DOCK2: variants seen among roughly 807,000 people sequenced by gnomAD.
DOCK2 encodes the protein dedicator of cytokinesis 2.
A neutral mutation model predicts 248.9 loss-of-function variants in DOCK2; 87 were observed. That is an observed-to-expected ratio of 0.35 (90% confidence interval 0.29 to 0.42). The LOEUF (loss-of-function observed/expected upper bound fraction) is 0.42. Among genes scored for constraint, DOCK2 ranks in the 10% least tolerant of loss-of-function variants. The pLI, the probability that DOCK2 is intolerant of heterozygous loss-of-function variation, is 1.00. For missense variants in DOCK2, 1,747 were observed against 2,300.2 expected (o/e 0.76, Z 4.92); for synonymous variants, 805 against 821.6 (o/e 0.98, Z 0.35).
At chr5:169,774,418 GAGGT>G (rs1360953464) in intron 25 of DOCK2, among the ~76,000 whole-genome samples, 1 of 152,190 alleles carries the variant, frequency 6.6e-6, no homozygotes, top group East Asian at 1.9e-4. Context: ...AACTGATAAG[GAGGT>G]TTAAAAACTT....
At chr5:169,739,937 T>A (rs1441423596) in intron 22 of DOCK2, among the ~76,000 whole-genome samples, 1 of 152,248 alleles carries the variant, frequency 6.6e-6, no homozygotes, top group Non-Finnish European at 1.5e-5. Flanking sequence ...ATGCGTGTGC[T>A]TCTTTCTATC....
At chr5:169,750,758 G>A (rs1181831623) in intron 23 of DOCK2, among the ~76,000 whole-genome samples, 2 of 152,186 alleles carry the variant, frequency 1.3e-5, no homozygotes, top group Non-Finnish European at 2.9e-5. Flanking sequence ...AACCAATGAT[G>A]CTTTCCACCT....
In DOCK2 at chr5:169,656,647, C is replaced by G. The variant is rs560671305; in HGVS notation, c.127+2161C>G. 5.3e-5 allele frequency among the ~76,000 whole-genome samples: 8 copies of G among 152,376 alleles called. No individual in the cohort carries two copies. In the South Asian group the frequency reaches 1.0e-3, roughly 20 times the overall value. On this transcript the variant is annotated intron_variant, in intron 2 of 51. Transcript: ENST00000520908. ...CTTTTCTGATAGCCAAGCCCACACT[C>G]TTTCCTCCACCCATGCCTGCCAAAA...
Position 170,027,893 on chromosome 5 carries a change from C to G in DOCK2, c.3412C>G (p.His1138Asp). The change falls in exon 34 of 52, where the codon CAC (histidine) becomes GAC (aspartate). Residue 1138 changes from histidine to aspartate, a missense_variant. This residue lies in a region of DOCK2 where 858 missense variants were observed against 1,183.5 expected (regional missense o/e 0.72). Transcript: ENST00000520908. ...AAACGAAATCATCCTGAAGCTGGACCACGAGGTAGAAGGGGGCCGAGGCGA... is the reference window on the plus strand; with the variant it reads ...AAACGAAATCATCCTGAAGCTGGACGACGAGGTAGAAGGGGGCCGAGGCGA... ...FENEIILKLD[H>D]EVEGGRGDEQ... The G allele has an allele frequency of 6.2e-7, 1 of 1,613,018 alleles. No homozygotes were observed. The highest frequency in any genetic ancestry group is 8.5e-7 in the Non-Finnish European group (1 of 1,179,396).
At chr5:169,723,281 T>C (rs142266578) in intron 22 of DOCK2, among the ~76,000 whole-genome samples, 6 of 152,276 alleles carry the variant, frequency 3.9e-5, no homozygotes, top group African/African-American at 1.4e-4. Flanking sequence ...CAAAGCCAAG[T>C]CTGCTTGGGT....
At chr5:169,649,985 G>T (rs1475261470) in intron 1 of DOCK2, among the ~76,000 whole-genome samples, 1 of 152,016 alleles carries the variant, frequency 6.6e-6, no homozygotes. Context: ...TGTATTTTTA[G>T]TACAGTCGGG....
chr5:169,777,946 C>T (rs1186327208), intron 25 of DOCK2, among the ~76,000 whole-genome samples: 3 of 152,300 alleles, frequency 2.0e-5, no homozygotes, highest in South Asian at 4.1e-4. Context: ...TTCATCCCTC[C>T]GTCTTCATTT....
intron 26 of DOCK2, among the ~76,000 whole-genome samples, chr5:169,813,488 G>A (rs1337529330): frequency 6.6e-6 from 1 of 152,130 alleles, no homozygotes; most frequent in East Asian, 1.9e-4. Flanking sequence ...AAAAACAATG[G>A]ACAAACATCT....
chr5:169,999,810 G>A (rs1754771737), intron 30 of DOCK2, among the ~76,000 whole-genome samples: 1 of 152,164 alleles, frequency 6.6e-6, no homozygotes, highest in Non-Finnish European at 1.5e-5. Context: ...AATATCAGCA[G>A]GAACAGCATC....
In DOCK2 at chr5:169,888,418, C is replaced by T. The variant is rs551904627; in HGVS notation, c.2799+47566C>T. ...GATCTTTGCAACACTTTATTCTGTC[C>T]TCCCTTGATTATTGACTTTAGTGAA... On this transcript the variant is annotated intron_variant, in intron 27 of 51. Coordinates refer to ENST00000520908, the MANE Select transcript of DOCK2 (RefSeq NM_004946.3). 4.1e-4 allele frequency among the ~76,000 whole-genome samples: 62 copies of T among 152,304 alleles called. 1 individual carries two copies. In the South Asian group the frequency reaches 0.012, roughly 28 times the overall value.
At chr5:169,651,578 T>G (rs1757806328) in intron 1 of DOCK2, among the ~76,000 whole-genome samples, 2 of 152,152 alleles carry the variant, frequency 1.3e-5, no homozygotes, top group South Asian at 4.1e-4. Context: ...TTTTCTTCTG[T>G]TGGAAGCCTC....
At chr5:169,719,782 C>T (rs1050949330) in intron 22 of DOCK2, among the ~76,000 whole-genome samples, 1 of 152,142 alleles carries the variant, frequency 6.6e-6, no homozygotes, top group Non-Finnish European at 1.5e-5. Context: ...TGTTTTGGGT[C>T]TTGTATAGTT....
chr5:170,002,354 A>G (rs1449813038), intron 30 of DOCK2, among the ~76,000 whole-genome samples: 1 of 152,220 alleles, frequency 6.6e-6, no homozygotes, highest in African/African-American at 2.4e-5. Flanking sequence ...GCAGATCTGT[A>G]TATGCTAATA....
chr5:169,970,095 G>A (rs1023881010), intron 27 of DOCK2, among the ~76,000 whole-genome samples: 1 of 152,180 alleles, frequency 6.6e-6, no homozygotes, highest in African/African-American at 2.4e-5. Context: ...CTGCCCTGAG[G>A]CCCCTTAAAG....
intron 34 of DOCK2, among the ~76,000 whole-genome samples, chr5:170,033,999 T>C (rs1465908928): frequency 6.6e-6 from 1 of 152,194 alleles, no homozygotes; most frequent in Non-Finnish European, 1.5e-5. Flanking sequence ...TATTATATCT[T>C]TGCATACTTC....
At chr5:169,817,098 T>C (rs1768107496) in intron 26 of DOCK2, among the ~76,000 whole-genome samples, 1 of 152,218 alleles carries the variant, frequency 6.6e-6, no homozygotes, top group African/African-American at 2.4e-5. Flanking sequence ...TTGTGACCTC[T>C]GAGAGCCAGA....
intron 30 of DOCK2, among the ~76,000 whole-genome samples, chr5:169,997,505 G>A (rs1013633026): frequency 3.7e-5 from 5 of 135,722 alleles, no homozygotes; most frequent in Admixed American, 7.5e-5. Context: ...GAGAAACCTT[G>A]GACAATACCT....
chr5:169,973,933 A>G (rs571623120), intron 27 of DOCK2, among the ~76,000 whole-genome samples: 8 of 152,176 alleles, frequency 5.3e-5, no homozygotes, highest in South Asian at 2.1e-4. Context: ...CTCCTCTTCT[A>G]TATAGGCACA....
intron 26 of DOCK2, among the ~76,000 whole-genome samples, chr5:169,831,694 C>G (rs1769237363): frequency 6.6e-6 from 1 of 152,200 alleles, no homozygotes; most frequent in African/African-American, 2.4e-5. Context: ...AAGTTAATGT[C>G]TGTAAAATAC....
Sources: allele counts gnomAD v4.1 joint callset (sites outside exome capture counted in the v4.1 genomes callset), GRCh38; gene constraint gnomAD v4.1.1; regional missense constraint gnomAD v4.1.1; transcripts MANE v1.5; gene names NCBI Gene and HGNC (gene_info 2026-07-23, HGNC 2026-07-21).